ARHGAP42: variants seen among roughly 807,000 people sequenced by gnomAD.
ARHGAP42 encodes the protein rho GTPase-activating protein 42.
In ARHGAP42, 63 loss-of-function variants were observed where a neutral mutation model predicts 125.0. The ratio of observed to expected loss-of-function variants is 0.50; its 90% CI spans 0.41 to 0.62. ARHGAP42 has a LOEUF of 0.62. ARHGAP42 is among the 20% of genes least tolerant of loss of function. The pLI is 0.00. For missense variants in ARHGAP42, 766 were observed against 1,024.2 expected (o/e 0.75, Z 3.44); for synonymous variants, 339 against 351.0 (o/e 0.97, Z 0.38).
At chr11:100,690,890 G>A (rs922129678) in intron 1 of ARHGAP42, among the ~76,000 whole-genome samples, 2 of 152,100 alleles carry the variant, frequency 1.3e-5, no homozygotes, top group African/African-American at 2.4e-5. Flanking sequence ...GTGAGCCACC[G>A]CGCCCGGCCA....
chr11:100,742,328 G>C (rs1446132373), intron 1 of ARHGAP42, among the ~76,000 whole-genome samples: 1 of 148,602 alleles, frequency 6.7e-6, no homozygotes, highest in Non-Finnish European at 1.5e-5. Context: ...TGGGGTTGAA[G>C]TGGTCTTAAC....
chr11:100,903,719 T>A (rs1267782214), intron 4 of ARHGAP42, among the ~76,000 whole-genome samples: 20,435 of 51,194 alleles, frequency 0.4, 3,066 homozygotes, highest in Middle Eastern at 0.49. Flanking sequence ...AATATATATA[T>A]ATATATATAT....
At chr11:100,735,109 C>T (rs1376438173) in intron 1 of ARHGAP42, among the ~76,000 whole-genome samples, 1 of 152,208 alleles carries the variant, frequency 6.6e-6, no homozygotes, top group Non-Finnish European at 1.5e-5. Context: ...CACCAGACCC[C>T]TTCAGGATCC....
intron 1 of ARHGAP42, among the ~76,000 whole-genome samples, chr11:100,741,729 G>A (rs1283405636): frequency 3.9e-5 from 6 of 152,218 alleles, no homozygotes; most frequent in Non-Finnish European, 8.8e-5. Context: ...CTGCCCCACA[G>A]TGTCCCATTG....
At chr11:100,738,030 C>T (rs969661309) in intron 1 of ARHGAP42, among the ~76,000 whole-genome samples, 3 of 151,876 alleles carry the variant, frequency 2.0e-5, no homozygotes, top group African/African-American at 7.3e-5. Context: ...TGCTAAATGT[C>T]AAAAGAAGAC....
At chr11:100,726,040 G>A (rs977601668) in intron 1 of ARHGAP42, among the ~76,000 whole-genome samples, 2 of 148,218 alleles carry the variant, frequency 1.3e-5, no homozygotes, top group Non-Finnish European at 3.0e-5. Context: ...CAAGGTTGCA[G>A]TGAGCTGTGA....
chr11:100,811,634 G>A (rs989064253), intron 3 of ARHGAP42, among the ~76,000 whole-genome samples: 9 of 151,890 alleles, frequency 5.9e-5, no homozygotes, highest in African/African-American at 2.2e-4. Flanking sequence ...TGAGTAGCTA[G>A]GATTATAGGA....
chr11:100,787,404 G>A (rs577266336), intron 2 of ARHGAP42, among the ~76,000 whole-genome samples: 2 of 152,176 alleles, frequency 1.3e-5, no homozygotes, highest in African/African-American at 2.4e-5. Context: ...CAGCCATGTA[G>A]GAGTGTGAAT....
chr11:100,984,273 A>G (rs754406566), intron 22 of ARHGAP42, among the ~76,000 whole-genome samples: 1 of 152,026 alleles, frequency 6.6e-6, no homozygotes, highest in Non-Finnish European at 1.5e-5. Flanking sequence ...GTTTCATTAC[A>G]TGAGTTCTTC....
At chr11:100,795,820 G>C (rs913145423) in intron 3 of ARHGAP42, among the ~76,000 whole-genome samples, 2 of 152,174 alleles carry the variant, frequency 1.3e-5, no homozygotes, top group African/African-American at 2.4e-5. Flanking sequence ...CCACAGGATT[G>C]TTGGAAAGCA....
intron 4 of ARHGAP42, among the ~76,000 whole-genome samples, chr11:100,889,548 C>T (rs1337483771): frequency 1.3e-5 from 2 of 152,140 alleles, no homozygotes; most frequent in African/African-American, 4.8e-5. Flanking sequence ...ATTACCTAAT[C>T]TGTGGTACTC....
intron 1 of ARHGAP42, among the ~76,000 whole-genome samples, chr11:100,749,718 C>G (rs112206162): frequency 6.6e-6 from 1 of 152,280 alleles, no homozygotes; most frequent in East Asian, 1.9e-4. Context: ...GAGGTAGCTA[C>G]AGAACCACAG....
chr11:100,697,965 T>C (rs1861315674), intron 1 of ARHGAP42, among the ~76,000 whole-genome samples: 1 of 152,220 alleles, frequency 6.6e-6, no homozygotes, highest in African/African-American at 2.4e-5. Flanking sequence ...CTTCCTTCTA[T>C]GAAAAAGTTA....
chr11:100,941,493 A>G (rs649369), intron 8 of ARHGAP42, among the ~76,000 whole-genome samples: 134,159 of 152,084 alleles, frequency 0.88, 59,262 homozygotes, highest in East Asian at 1. Flanking sequence ...ACCTCTATGG[A>G]GTACAAGTAT....
chr11:100,741,980 G>A (rs1862197266), intron 1 of ARHGAP42, among the ~76,000 whole-genome samples: 2 of 152,062 alleles, frequency 1.3e-5, no homozygotes, highest in African/African-American at 4.8e-5. Context: ...AAAAAACCTA[G>A]AGGAAACCTT....
chr11:100,711,251 T>G (rs1861560805), intron 1 of ARHGAP42, among the ~76,000 whole-genome samples: 1 of 152,230 alleles, frequency 6.6e-6, no homozygotes, highest in African/African-American at 2.4e-5. Context: ...GGAGCCATAT[T>G]CTCTTATCAA....
intron 21 of ARHGAP42, among the ~76,000 whole-genome samples, chr11:100,978,740 GAT>G (rs1315949952): frequency 6.6e-6 from 1 of 152,144 alleles, no homozygotes; most frequent in Admixed American, 6.5e-5. Context: ...AGATAAAAAG[GAT>G]GAGGATAGTA....
At chr11:100,896,292 A>G in intron 4 of ARHGAP42, among the ~76,000 whole-genome samples, 1 of 152,180 alleles carries the variant, frequency 6.6e-6, no homozygotes, top group Admixed American at 6.6e-5. Context: ...GAATAGTGCC[A>G]CAATAAATAT....
chr11:100,796,793 A>T (rs1863728038), intron 3 of ARHGAP42, among the ~76,000 whole-genome samples: 1 of 137,592 alleles, frequency 7.3e-6, no homozygotes, highest in Non-Finnish European at 1.5e-5. Flanking sequence ...TTTTTCAGAC[A>T]GAGTCTCACT....
Sources: gnomAD v4.1 joint callset for allele counts (sites outside exome capture counted in the v4.1 genomes callset) on GRCh38, gnomAD v4.1.1 for gene constraint, MANE v1.5 for transcripts, NCBI Gene and HGNC (gene_info 2026-07-23, HGNC 2026-07-21) for gene names.